Variants in NOMO2 observed in about 807,000 individuals in gnomAD.
NOMO2 encodes the protein BOS complex subunit NOMO2.
NOMO2 carries 14 observed loss-of-function variants against 67.1 expected under a neutral mutation model. The ratio of observed to expected loss-of-function variants is 0.21; its 90% CI spans 0.14 to 0.33. The LOEUF (loss-of-function observed/expected upper bound fraction) is 0.33. Among genes scored for constraint, NOMO2 ranks in the 10% least tolerant of loss-of-function variants. NOMO2 has a pLI of 1.00. For missense variants in NOMO2, 178 were observed against 761.0 expected, an observed-to-expected ratio of 0.23 and a Z score of 9.01; for synonymous variants, 80 against 305.9, an observed-to-expected ratio of 0.26 and a Z score of 7.71.
At chr16:18,528,511 A>G (rs376362146) in intron 15 of NOMO2, among the ~76,000 whole-genome samples, 161 of 151,642 alleles carry the variant, frequency 1.1e-3, no homozygotes, top group East Asian at 7.1e-3. Context: ...ATCTGCCGCC[A>G]CTCAACATCA....
intron 16 of NOMO2, among the ~76,000 whole-genome samples, chr16:18,526,878 G>A (rs965323134): frequency 6.6e-6 from 1 of 152,050 alleles, no homozygotes; most frequent in African/African-American, 2.4e-5. Flanking sequence ...TTAAATAGGT[G>A]AGTTTTACGA....
chr16:18,531,224 G>A, intron 13 of NOMO2, 56 bp from the exon 14 acceptor site: 1 of 665,494 alleles, frequency 1.5e-6, no homozygotes. Flanking sequence ...TTCAGCACAG[G>A]TTCGAATCCT....
intron 9 of NOMO2, among the ~76,000 whole-genome samples, chr16:18,540,168 T>C (rs947753505): frequency 6.7e-6 from 1 of 150,304 alleles, no homozygotes; most frequent in Non-Finnish European, 1.5e-5. Context: ...TTAAATGACT[T>C]CCTTTTTATG....
intron 11 of NOMO2, 84 bp downstream of exon 11, chr16:18,538,442 A>G: frequency 1.3e-6 from 2 of 1,543,432 alleles, no homozygotes; most frequent in Non-Finnish European, 1.8e-6. Context: ...AGCTCGGCAA[A>G]GACACACAGA....
intron 1 of NOMO2, among the ~76,000 whole-genome samples, chr16:18,561,172 T>TCA (rs1596865577): frequency 1.5e-4 from 1 of 6,808 alleles, no homozygotes; most frequent in Non-Finnish European, 3.0e-4. Flanking sequence ...TACAACTTAA[T>TCA]TAAAAAAAAA....
At chr16:18,556,549 A>G (rs893930165) in intron 2 of NOMO2, among the ~76,000 whole-genome samples, 1 of 151,678 alleles carries the variant, frequency 6.6e-6, no homozygotes, top group African/African-American at 2.4e-5. Flanking sequence ...CACAGGGGAA[A>G]AAATGAAACT....
intron 15 of NOMO2, among the ~76,000 whole-genome samples, chr16:18,528,967 C>CAA (rs58520369): frequency 8.1e-5 from 1 of 12,336 alleles, no homozygotes; most frequent in African/African-American, 2.7e-4. Flanking sequence ...GACTCCATCT[C>CAA]AAAAAAAAAA....
chr16:18,532,468 CTGCTCTGTCCTGTCTCT>C (rs1901326510), intron 12 of NOMO2, among the ~76,000 whole-genome samples: 1 of 150,570 alleles, frequency 6.6e-6, no homozygotes, highest in African/African-American at 2.4e-5. Flanking sequence ...GGGCTGACCT[CTGCTCTGTCCTGTCTCT>C]TGCTTGCTTG....
Position 18,552,962 on chromosome 16 carries a change from T to C in NOMO2, c.302-1423A>G, listed in dbSNP as rs1023375072. Among the ~76,000 whole-genome samples the C allele has an allele frequency of 5.9e-5, 9 of 152,126 alleles. No individual in the cohort carries two copies. In the Middle Eastern group the frequency reaches 0.014, roughly 230 times the overall value. On this transcript the variant is annotated intron_variant, in intron 3 of 30. Coordinates refer to ENST00000622306, the MANE Select transcript of NOMO2 (RefSeq NM_173614.4). ...CATCAACAGTAGAAGAGATCACTGATACAAAATATGAATATAAAATATAAA... is the reference window on the plus strand; with the variant it reads ...CATCAACAGTAGAAGAGATCACTGACACAAAATATGAATATAAAATATAAA...
intron 15 of NOMO2, among the ~76,000 whole-genome samples, chr16:18,528,996 T>A (rs1365490310): frequency 5.4e-3 from 4 of 736 alleles, no homozygotes; most frequent in Non-Finnish European, 0.014. Flanking sequence ...AAAATACATA[T>A]ATATATATAT....
chr16:18,533,328 T>A, intron 11 of NOMO2, 149 bp from the exon 12 acceptor site: 1 of 825,022 alleles, frequency 1.2e-6, no homozygotes, highest in Non-Finnish European at 1.9e-6. Context: ...GTCCAGATGA[T>A]TCTGGTTTTA....
At chr16:18,545,374 A>G (rs1596856192) in intron 6 of NOMO2, among the ~76,000 whole-genome samples, 1 of 151,830 alleles carries the variant, frequency 6.6e-6, no homozygotes, top group Non-Finnish European at 1.5e-5. Flanking sequence ...CTGGAATTAC[A>G]GCATGAGCAA....
At chr16:18,549,370 G>C in intron 5 of NOMO2, 151 bp downstream of exon 5, 1 of 1,324,714 alleles carries the variant, frequency 7.5e-7, no homozygotes, top group South Asian at 1.3e-5. Flanking sequence ...GGGGAACTCA[G>C]CACTCTGACG....
chr16:18,550,537 AT>A (rs1325153888), intron 4 of NOMO2, among the ~76,000 whole-genome samples: 2 of 151,800 alleles, frequency 1.3e-5, no homozygotes, highest in African/African-American at 2.4e-5. Context: ...AAAGAAGTCC[AT>A]CATGAAGAGA....
At chr16:18,560,935 C>T (rs925985356) in intron 1 of NOMO2, among the ~76,000 whole-genome samples, 2 of 150,926 alleles carry the variant, frequency 1.3e-5, no homozygotes, top group African/African-American at 4.9e-5. Context: ...CCAGCCTCTT[C>T]CTTCGTTTTC....
chr16:18,526,394 A>G (rs1901147882), intron 16 of NOMO2, among the ~76,000 whole-genome samples: 1 of 152,144 alleles, frequency 6.6e-6, no homozygotes, highest in Non-Finnish European at 1.5e-5. Flanking sequence ...TTTATTACAC[A>G]ATGCAGCAAT....
intron 3 of NOMO2, among the ~76,000 whole-genome samples, chr16:18,552,727 T>C (rs1302799759): frequency 6.6e-6 from 1 of 151,874 alleles, no homozygotes; most frequent in Non-Finnish European, 1.5e-5. Flanking sequence ...TGGAAACCCT[T>C]GTACACTGCT....
chr16:18,528,243 G>A (rs2141716760), intron 15 of NOMO2, among the ~76,000 whole-genome samples: 1 of 138,694 alleles, frequency 7.2e-6, no homozygotes, highest in East Asian at 2.1e-4. Context: ...AGGAGATAAA[G>A]AAGGGGTTAA....
intron 11 of NOMO2, among the ~76,000 whole-genome samples, chr16:18,536,208 C>T (rs1330963520): frequency 6.6e-5 from 10 of 152,220 alleles, no homozygotes; most frequent in African/African-American, 1.9e-4. Context: ...CCTCCAGCTG[C>T]GCAGACTGCC....
Sources: gnomAD v4.1 joint callset for allele counts (sites outside exome capture counted in the v4.1 genomes callset) on GRCh38, gnomAD v4.1.1 for gene constraint, MANE v1.5 for transcripts, NCBI Gene and HGNC (gene_info 2026-07-23, HGNC 2026-07-21) for gene names.